Variants in ARID2 observed in about 807,000 individuals in gnomAD.
ARID2 encodes AT-rich interactive domain-containing protein 2.
ARID2 carries 32 observed loss-of-function variants against 184.6 expected under a neutral mutation model. The observed-to-expected ratio is 0.17, with a 90% confidence interval of 0.13 to 0.23. The LOEUF (loss-of-function observed/expected upper bound fraction) is 0.23, where lower values mean the gene tolerates loss of function less well. Ranked by LOEUF, ARID2 falls within the 10% of genes least tolerant of loss-of-function variation. ARID2 has a pLI of 1.00. For missense variants in ARID2, 1,696 were observed against 2,197.6 expected (o/e 0.77, Z 4.56); for synonymous variants, 836 against 772.6 (o/e 1.08, Z -1.36).
At chr12:45,853,542 A>C (rs1437475487) in intron 15 of ARID2, among the ~76,000 whole-genome samples, 1 of 152,164 alleles carries the variant, frequency 6.6e-6, no homozygotes, top group African/African-American at 2.4e-5. Context: ...CTTAGTAAAA[A>C]CAAGTATTTT....
rs2138161366 is a variant in ARID2, at chr12:45,850,375, C to T, written c.2252C>T (p.Pro751Leu). Reference sequence around the variant, plus strand: ...GTTGTTCAGAATCATAGTACAGGGCCACAACCTGTTACAGTTGTGAATTCT... The same window carrying T: ...GTTGTTCAGAATCATAGTACAGGGCTACAACCTGTTACAGTTGTGAATTCT... Reference protein sequence around the residue: ...SSVVQNHSTGPQPVTVVNSQT... With the variant: ...SSVVQNHSTGLQPVTVVNSQT... Residue 751 changes from proline (P) to leucine (L), a missense_variant, in exon 15 of 21, where the codon CCA (proline) becomes CTA (leucine). Pro to Leu is a moderately conservative substitution (Grantham distance 98). Coordinates refer to ENST00000334344, the MANE Select transcript of ARID2 (RefSeq NM_152641.4). 8.7e-6 allele frequency: 14 copies of T among 1,614,074 alleles called. No individual in the cohort carries two copies. Among genetic ancestry groups the T allele is most frequent in the Non-Finnish European group, 1.2e-5 (14 of 1,179,998 alleles).
chr12:45,906,964 T>C lies in ARID2; in HGVS notation c.*1886T>C, dbSNP rs1488324952. On this transcript the variant is annotated 3_prime_UTR_variant, in exon 21 of 21. Transcript: ENST00000334344. ...GAGTGAAAAAGCCTCAGTTTCCATA[T>C]TAAAAATGTTTTAAATATTTTGATT... The C allele has an allele frequency of 8.2e-5, 19 of 231,904 alleles. No individual in the cohort carries two copies. In the East Asian group the frequency reaches 1.1e-3, roughly 13 times the overall value. 14.4% of individuals were successfully genotyped at this position (231,904 alleles called of 1,614,324 possible).
intron 16 of ARID2, among the ~76,000 whole-genome samples, chr12:45,890,466 T>G (rs1944283170): frequency 1.3e-5 from 2 of 152,236 alleles, no homozygotes; most frequent in Non-Finnish European, 2.9e-5. Flanking sequence ...AGGTAATGTC[T>G]TAACAAGAAA....
chr12:45,786,564 T>C (rs770676539), intron 3 of ARID2, among the ~76,000 whole-genome samples: 17 of 152,172 alleles, frequency 1.1e-4, no homozygotes, highest in Non-Finnish European at 1.9e-4. Flanking sequence ...AGTATAGTTA[T>C]GGAAAATAGT....
intron 6 of ARID2, among the ~76,000 whole-genome samples, chr12:45,823,844 C>A (rs1288450936): frequency 1.3e-5 from 2 of 152,056 alleles, no homozygotes; most frequent in Non-Finnish European, 2.9e-5. Flanking sequence ...TGGCTGAATT[C>A]TTCCAAACTT....
rs760866202 is a variant in ARID2 at position 45,851,080 on chromosome 12, C to T, written c.2957C>T (p.Thr986Ile). Residue 986 changes from threonine (T) to isoleucine (I), a missense_variant, in exon 15 of 21, where the codon ACT becomes ATT. Transcript: ENST00000334344. The part of the protein sequence containing the change: ...PVPATNNQVP[T>I]AMSSSSTPQS... ...CCAGCTACTAATAACCAAGTCCCTA[C>T]TGCCATGTCGTCGTCCTCTACCCCT... 9.9e-6 allele frequency: 16 copies of T among 1,614,058 alleles called. No homozygotes were observed. The highest frequency in any genetic ancestry group is 1.4e-5 in the Non-Finnish European group (16 of 1,180,030).
At chr12:45,842,289 ATGTGTGTGTATATATATACACACATG>A (rs2138142764) in intron 11 of ARID2, 1 of 150,782 alleles carries the variant, frequency 6.6e-6, no homozygotes, top group East Asian at 1.9e-4. Flanking sequence ...ACACACACAT[ATGTGTGTGTATATATATACACACATG>A]TATATGTATA....
In ARID2 at chr12:45,849,701, C is replaced by T. The variant is rs2138157209; in HGVS notation, c.1837C>T (p.Gln613Ter). The T allele has an allele frequency of 6.2e-7, 1 of 1,613,878 alleles. No homozygotes were observed. Among genetic ancestry groups the T allele is most frequent in the Non-Finnish European group, 8.5e-7 (1 of 1,179,844 alleles). ...ACCACTTCCCATTCAGATGTACTAT[C>T]AGCAGCAACCAGTTTCTACTTCTGT... ...AIPLPIQMYY[Q>*]QQPVSTSVVR... The change falls in exon 14 of 21, where the codon CAG becomes TAG. Residue 613 changes from glutamine (Q) to a stop codon, truncating the protein, a stop_gained. Coordinates refer to ENST00000334344, the MANE Select transcript of ARID2 (RefSeq NM_152641.4). LOFTEE classifies it high-confidence loss of function.
chr12:45,754,692 C>A (rs1941529572), intron 3 of ARID2, among the ~76,000 whole-genome samples: 1 of 152,202 alleles, frequency 6.6e-6, no homozygotes, highest in African/African-American at 2.4e-5. Context: ...TCATTTATAT[C>A]TCTATTACAA....
At chr12:45,781,809 C>T (rs369110543) in intron 3 of ARID2, among the ~76,000 whole-genome samples, 7 of 152,282 alleles carry the variant, frequency 4.6e-5, no homozygotes, top group African/African-American at 1.7e-4. Context: ...TGCACATTAA[C>T]ATACTTTAAG....
intron 3 of ARID2, among the ~76,000 whole-genome samples, chr12:45,770,526 GT>G (rs908888400): frequency 1.2e-4 from 18 of 152,186 alleles, no homozygotes; most frequent in African/African-American, 4.1e-4. Context: ...CCAAGCTCTT[GT>G]CCCCCATCCG....
chr12:45,748,370 G>A (rs1398514183), intron 3 of ARID2, among the ~76,000 whole-genome samples: 1 of 152,084 alleles, frequency 6.6e-6, no homozygotes, highest in Non-Finnish European at 1.5e-5. Flanking sequence ...CATCTAGCCT[G>A]GACAATAGAA....
chr12:45,872,248 A>G (rs1565632849), intron 16 of ARID2, among the ~76,000 whole-genome samples: 2 of 152,100 alleles, frequency 1.3e-5, no homozygotes, highest in African/African-American at 2.4e-5. Context: ...TTTTTAGTAT[A>G]TAAGTTCAAT....
intron 16 of ARID2, among the ~76,000 whole-genome samples, chr12:45,875,913 C>T (rs914843714): frequency 3.3e-5 from 5 of 152,248 alleles, no homozygotes; most frequent in Non-Finnish European, 5.9e-5. Context: ...GTCTCCATAT[C>T]AGCAAGGCTC....
chr12:45,880,380 C>T (rs1397686639), intron 16 of ARID2, among the ~76,000 whole-genome samples: 2 of 152,126 alleles, frequency 1.3e-5, no homozygotes, highest in Non-Finnish European at 2.9e-5. Context: ...TGATAATTCC[C>T]CAACTGCCCA....
intron 3 of ARID2, among the ~76,000 whole-genome samples, chr12:45,753,695 G>A (rs1004197320): frequency 2.0e-5 from 3 of 152,052 alleles, no homozygotes; most frequent in Non-Finnish European, 4.4e-5. Flanking sequence ...CTTTGGTCAA[G>A]CGATCCTCCC....
At chr12:45,855,837 C>T (rs1943637322) in intron 15 of ARID2, among the ~76,000 whole-genome samples, 1 of 152,130 alleles carries the variant, frequency 6.6e-6, no homozygotes, top group African/African-American at 2.4e-5. Flanking sequence ...CCACCTCAGC[C>T]TCCCAAGACT....
At chr12:45,838,788 G>A (rs1342338005) in intron 10 of ARID2, among the ~76,000 whole-genome samples, 3 of 150,844 alleles carry the variant, frequency 2.0e-5, no homozygotes, top group Non-Finnish European at 4.4e-5. Context: ...TAGATAGATA[G>A]ATAGATATAG....
At chr12:45,875,920 G>C (rs1394994899) in intron 16 of ARID2, among the ~76,000 whole-genome samples, 2 of 152,188 alleles carry the variant, frequency 1.3e-5, no homozygotes, top group Non-Finnish European at 2.9e-5. Context: ...TATCAGCAAG[G>C]CTCTTTCACT....
Sources: allele counts gnomAD v4.1 joint callset (sites outside exome capture counted in the v4.1 genomes callset), GRCh38; gene constraint gnomAD v4.1.1; transcripts MANE v1.5; gene names NCBI Gene and HGNC (gene_info 2026-07-23, HGNC 2026-07-21).